CDH6: variants seen among roughly 807,000 people sequenced by gnomAD.
The protein encoded by CDH6 is cadherin 6.
Under a neutral mutation model 78.0 loss-of-function variants are expected in CDH6, and 31 were observed. The ratio of observed to expected loss-of-function variants is 0.40; its 90% CI spans 0.30 to 0.54. The LOEUF is 0.54. CDH6 is among the 20% of genes least tolerant of loss of function. The probability of loss-of-function intolerance (pLI) is 0.56; values close to 1 mark genes in which losing one functional copy is unlikely to be tolerated. For missense variants in CDH6, 724 were observed against 975.9 expected, an observed-to-expected ratio of 0.74 and a Z score of 3.44; for synonymous variants, 376 against 368.8, an observed-to-expected ratio of 1.02 and a Z score of -0.23.
rs781143910 is a variant in CDH6, at chr5:31,323,057, GACA to G, written c.2126_2128del (p.Asn709del). ...ACCCCGACGGACTCCAACAGCTCGC[GACA>G]ACACCGATGTCAGAGATTTCATTAA... On this transcript the variant is annotated inframe_deletion, in exon 12 of 12. Coordinates refer to ENST00000265071, the MANE Select transcript of CDH6 (RefSeq NM_004932.4). 6.6e-5 allele frequency: 106 copies of G among 1,614,096 alleles called. 2 individuals carry two copies. The highest frequency in any genetic ancestry group is 2.4e-4 in the South Asian group (22 of 91,058).
intron 2 of CDH6, among the ~76,000 whole-genome samples, chr5:31,269,193 T>G (rs1370379293): frequency 6.6e-6 from 1 of 151,886 alleles, no homozygotes; most frequent in Admixed American, 6.6e-5. Context: ...CTAAATGATG[T>G]TTCCCCTTTT....
chr5:31,199,724 A>AT (rs1440566325), intron 1 of CDH6, among the ~76,000 whole-genome samples: 1 of 95,336 alleles, frequency 1.0e-5, no homozygotes, highest in Non-Finnish European at 2.3e-5. Flanking sequence ...TATCTCAAAG[A>AT]TAAAAAGCAC....
intron 1 of CDH6, among the ~76,000 whole-genome samples, chr5:31,264,610 A>C (rs532049046): frequency 6.6e-6 from 1 of 152,150 alleles, no homozygotes; most frequent in South Asian, 2.1e-4. Flanking sequence ...GGGGTTTTTT[A>C]AAAAAACTAT....
At chr5:31,233,227 CA>C (rs752923052) in intron 1 of CDH6, among the ~76,000 whole-genome samples, 3 of 149,676 alleles carry the variant, frequency 2.0e-5, no homozygotes, top group Admixed American at 6.7e-5. Context: ...ATATTTTACA[CA>C]AAAAAATAAA....
rs766671272 is a variant in CDH6 at position 31,302,778 on chromosome 5, AAGAGAG to A, written c.999+498_999+503del. On this transcript the variant is annotated intron_variant, in intron 6 of 11. Coordinates refer to ENST00000265071, the MANE Select transcript of CDH6 (RefSeq NM_004932.4). Reference sequence around the variant, plus strand: ...GAAAGAAAGAAAGAAAGAAAGAAGAAAGAGAGAGAGAGAGAGAGAGAGAAAGAAAGA... The same window carrying A: ...GAAAGAAAGAAAGAAAGAAAGAAGAAAGAGAGAGAGAGAGAGAAAGAAAGA... Among the ~76,000 whole-genome samples the A allele has an allele frequency of 5.4e-3, 351 of 64,594 alleles. 8 individuals are homozygous for A. Among genetic ancestry groups the A allele is most frequent in the African/African-American group, 0.015 (325 of 21,004 alleles). 42.4% of individuals were successfully genotyped at this position (64,594 alleles called of 152,430 possible).
intron 1 of CDH6, chr5:31,251,800 G>C (rs1741915654): frequency 6.6e-6 from 1 of 152,168 alleles, no homozygotes; most frequent in African/African-American, 2.4e-5. Flanking sequence ...ATGTTAACCT[G>C]TACTTCTACC....
rs1262999714 is a variant in CDH6 at position 31,324,448 on chromosome 5, C to T, written c.*1140C>T. The T allele has an allele frequency of 2.3e-5, 5 of 214,056 alleles. No individual in the cohort carries two copies. The highest frequency in any genetic ancestry group is 3.7e-4 in the South Asian group (2 of 5,342). 13.3% of individuals were successfully genotyped at this position (214,056 alleles called of 1,614,324 possible). A position where few individuals can be genotyped will look rare whatever the true frequency, so the allele number is the denominator to read the frequency against. ...CTCTACATATTTATATAACGTGATACATTTGGATAAACAACATTGAGATTA... is the reference window on the plus strand; with the variant it reads ...CTCTACATATTTATATAACGTGATATATTTGGATAAACAACATTGAGATTA... On this transcript the variant is annotated 3_prime_UTR_variant, in exon 12 of 12. Transcript: ENST00000265071.
At chr5:31,314,313 C>T (rs903444813) in intron 8 of CDH6, among the ~76,000 whole-genome samples, 9 of 126,192 alleles carry the variant, frequency 7.1e-5, no homozygotes, top group Non-Finnish European at 1.3e-4. Flanking sequence ...CCCCACCCCA[C>T]AACAGGCCCC....
At chr5:31,286,643 G>C (rs1415146233) in intron 2 of CDH6, among the ~76,000 whole-genome samples, 1 of 152,128 alleles carries the variant, frequency 6.6e-6, no homozygotes, top group African/African-American at 2.4e-5. Context: ...GTGGGGATGA[G>C]GGCTTTATCC....
chr5:31,318,315 A>G, intron 11 of CDH6: 1 of 388,102 alleles, frequency 2.6e-6, no homozygotes, highest in Admixed American at 4.0e-5. Context: ...CTATAAAGGT[A>G]AAGTTTAAAG....
At chr5:31,315,266 A>G (rs1738284307) in intron 8 of CDH6, among the ~76,000 whole-genome samples, 1 of 152,136 alleles carries the variant, frequency 6.6e-6, no homozygotes, top group South Asian at 2.1e-4. Flanking sequence ...GTCCATCCCC[A>G]TTACAATAAA....
rs187364632 is a variant in CDH6, at chr5:31,269,301, T to C, written c.228+1600T>C. Among the ~76,000 whole-genome samples, 445 of 151,774 alleles carry C rather than the reference T, an allele frequency of 2.9e-3. 3 individuals are homozygous for C. The highest frequency in any genetic ancestry group is 0.01 in the African/African-American group (427 of 41,388). On this transcript the variant is annotated intron_variant, in intron 2 of 11. Coordinates refer to ENST00000265071, the MANE Select transcript of CDH6 (RefSeq NM_004932.4). ...AAAAAAGCGGGGGGGGCAGGTTATT[T>C]CAGGATACTAGAAACAGCAGTGGCT... is the stretch of plus-strand genomic sequence containing the variant.
intron 2 of CDH6, among the ~76,000 whole-genome samples, chr5:31,283,364 G>T (rs191954861): frequency 4.9e-4 from 74 of 152,312 alleles, no homozygotes; most frequent in Middle Eastern, 3.4e-3. Context: ...AAAAAAATGT[G>T]TTGTGGTTAA....
At chr5:31,316,828 T>C (rs969040287) in intron 9 of CDH6, among the ~76,000 whole-genome samples, 1 of 152,222 alleles carries the variant, frequency 6.6e-6, no homozygotes, top group Admixed American at 6.5e-5. Context: ...AAGTACACTG[T>C]TAAAGTACAT....
Position 31,317,398 on chromosome 5 carries a change from T to C in CDH6, c.1536T>C (p.Val512=). 1 of 1,596,734 alleles carries C rather than the reference T, an allele frequency of 6.3e-7. No homozygotes were observed. The highest frequency in any genetic ancestry group is 8.6e-7 in the Non-Finnish European group (1 of 1,166,496). ...AGTTGATTCAGACCCTGCATGCTGT[T>C]GACAAGGATGACCCTTATAGTGGAC... ...ADQLIQTLHA[V]DKDDPYSGHQ... Residue 512 remains valine (V), a synonymous_variant, in exon 10 of 12, where the codon GTT becomes GTC. Coordinates refer to ENST00000265071, the MANE Select transcript of CDH6 (RefSeq NM_004932.4).
chr5:31,220,163 A>G (rs565089907), intron 1 of CDH6, among the ~76,000 whole-genome samples: 1 of 152,326 alleles, frequency 6.6e-6, no homozygotes, highest in Admixed American at 6.5e-5. Flanking sequence ...GAGAGCATCA[A>G]AGCATCTTGT....
intron 1 of CDH6, among the ~76,000 whole-genome samples, chr5:31,229,141 A>G (rs969603597): frequency 5.3e-5 from 8 of 152,278 alleles, no homozygotes; most frequent in African/African-American, 1.9e-4. Flanking sequence ...AATCTACAAC[A>G]CAGCCCTCAA....
chr5:31,194,892 G>A (rs945571215), intron 1 of CDH6, among the ~76,000 whole-genome samples: 1 of 152,208 alleles, frequency 6.6e-6, no homozygotes, highest in African/African-American at 2.4e-5. Context: ...CGAGATGGGA[G>A]ATGCTGGAGA....
chr5:31,193,805 G>T lies in CDH6; in HGVS notation c.-210G>T. The T allele has an allele frequency of 1.3e-5, 2 of 154,212 alleles. No individual in the cohort carries two copies. Among genetic ancestry groups the T allele is most frequent in the South Asian group, 3.6e-4 (2 of 5,576 alleles). 9.6% of individuals were successfully genotyped at this position (154,212 alleles called of 1,614,324 possible). On this transcript the variant is annotated 5_prime_UTR_variant, in exon 1 of 12. Coordinates refer to ENST00000265071, the MANE Select transcript of CDH6 (RefSeq NM_004932.4). ...CGACAGCAAGAACGGCAGAGCCGGC[G>T]ACCGCGGCGGCGGCGGCGGCGGAGG...
Sources: allele counts gnomAD v4.1 joint callset (sites outside exome capture counted in the v4.1 genomes callset), GRCh38; gene constraint gnomAD v4.1.1; transcripts MANE v1.5; gene names NCBI Gene and HGNC (gene_info 2026-07-23, HGNC 2026-07-21).